Variants in RAD51B observed in about 807,000 individuals in gnomAD.
RAD51B encodes the protein RAD51 paralog B, also known as DNA repair protein RAD51 homolog 2.
In RAD51B, 38 loss-of-function variants were observed where a neutral mutation model predicts 42.2. That is an observed-to-expected ratio of 0.90 (90% CI 0.70 to 1.18). The LOEUF is 1.18. RAD51B is among the 50% of genes most tolerant of loss of function. The pLI is 0.00. For synonymous variants in RAD51B, 154 were observed against 145.2 expected (o/e 1.06, Z -0.43); for missense variants, 373 against 400.7 (o/e 0.93, Z 0.59).
At chr14:68,666,520 T>TG (rs1893035333) in intron 11 of RAD51B, among the ~76,000 whole-genome samples, 1 of 152,216 alleles carries the variant, frequency 6.6e-6, no homozygotes, top group Non-Finnish European at 1.5e-5. Context: ...AGAGCAGTAC[T>TG]GGGAGGTCCT....
chr14:68,431,333 C>T (rs1467332520), intron 9 of RAD51B, among the ~76,000 whole-genome samples: 1 of 152,174 alleles, frequency 6.6e-6, no homozygotes, highest in Non-Finnish European at 1.5e-5. Flanking sequence ...ATGGTACCAG[C>T]TCCTTCTTGT....
chr14:67,980,840 A>G (rs1163859458), intron 7 of RAD51B, among the ~76,000 whole-genome samples: 1 of 152,230 alleles, frequency 6.6e-6, no homozygotes, highest in Non-Finnish European at 1.5e-5. Flanking sequence ...GATTTCTTCT[A>G]TATGCCTCCG....
intron 11 of RAD51B, among the ~76,000 whole-genome samples, chr14:68,658,456 G>A (rs1459052858): frequency 1.3e-5 from 2 of 152,252 alleles, no homozygotes; most frequent in African/African-American, 2.4e-5. Context: ...AAGTGCCAGG[G>A]CAGCCAAGAG....
chr14:68,117,003 CAAT>C (rs1473379338), intron 7 of RAD51B, among the ~76,000 whole-genome samples: 1 of 152,148 alleles, frequency 6.6e-6, no homozygotes, highest in Non-Finnish European at 1.5e-5. Flanking sequence ...TGGAAGGTAA[CAAT>C]GTTATTACAT....
chr14:67,949,268 C>T (rs2074397037), intron 7 of RAD51B, among the ~76,000 whole-genome samples: 1 of 152,198 alleles, frequency 6.6e-6, no homozygotes, highest in East Asian at 1.9e-4. Context: ...ATATTGGGAT[C>T]AGTCCTCTGA....
intron 4 of RAD51B, among the ~76,000 whole-genome samples, chr14:67,859,891 G>A (rs2042110316): frequency 6.6e-6 from 1 of 152,048 alleles, no homozygotes; most frequent in Admixed American, 6.5e-5. Flanking sequence ...CGCGATCTCG[G>A]CTCACTGCAA....
At chr14:68,366,502 G>A (rs190477931) in intron 8 of RAD51B, among the ~76,000 whole-genome samples, 94 of 152,318 alleles carry the variant, frequency 6.2e-4, no homozygotes, top group Non-Finnish European at 1.1e-3. Flanking sequence ...TTGACTTAAG[G>A]AAGTACAGAC....
chr14:68,217,366 T>C (rs2079837429), intron 7 of RAD51B, among the ~76,000 whole-genome samples: 2 of 152,254 alleles, frequency 1.3e-5, no homozygotes, highest in African/African-American at 4.8e-5. Context: ...TAAAGGCATA[T>C]CTTTCTGGCC....
At chr14:68,640,328 C>T (rs1228567570) in intron 10 of RAD51B, among the ~76,000 whole-genome samples, 2 of 152,188 alleles carry the variant, frequency 1.3e-5, no homozygotes, top group African/African-American at 2.4e-5. Context: ...CTACGGCAAA[C>T]ACCTTAATCT....
chr14:68,612,401 A>C (rs547622564), downstream of RAD51B, among the ~76,000 whole-genome samples: 36 of 152,390 alleles, frequency 2.4e-4, no homozygotes, highest in Non-Finnish European at 4.6e-4. Flanking sequence ...TTTGCACTCC[A>C]GAATCTGCTA....
At chr14:68,387,297 T>C (rs976606023) in intron 8 of RAD51B, 4 of 152,212 alleles carry the variant, frequency 2.6e-5, no homozygotes, top group Admixed American at 1.3e-4. Context: ...AAACTCCTGT[T>C]TGATTCAGAA....
chr14:68,316,635 C>T (rs1171117772), intron 8 of RAD51B, among the ~76,000 whole-genome samples: 3 of 152,142 alleles, frequency 2.0e-5, no homozygotes, highest in South Asian at 2.1e-4. Context: ...AGAACAACAG[C>T]GCCTTTGTGA....
At chr14:67,921,715 C>G (rs568062847) in intron 7 of RAD51B, among the ~76,000 whole-genome samples, 6 of 151,808 alleles carry the variant, frequency 4.0e-5, no homozygotes, top group African/African-American at 1.5e-4. Flanking sequence ...ACATTGATGA[C>G]TGAAAAAACA....
intron 10 of RAD51B, among the ~76,000 whole-genome samples, chr14:68,642,270 T>C (rs1892478233): frequency 6.6e-6 from 1 of 152,222 alleles, no homozygotes; most frequent in South Asian, 2.1e-4. Context: ...AATTATTGAT[T>C]CAATTTCTTT....
chr14:68,357,854 C>A (rs956975442), intron 8 of RAD51B, among the ~76,000 whole-genome samples: 3 of 152,188 alleles, frequency 2.0e-5, no homozygotes, highest in African/African-American at 7.2e-5. Flanking sequence ...GCACAGACAG[C>A]CATTTTCAAC....
chr14:68,092,046 C>G (rs138868616), intron 7 of RAD51B, among the ~76,000 whole-genome samples: 198 of 151,586 alleles, frequency 1.3e-3, no homozygotes, highest in African/African-American at 4.6e-3. Context: ...CTGTTCTGTT[C>G]CATCGGTCTA....
Position 67,865,054 on chromosome 14 carries a change from A to T in RAD51B, c.367A>T (p.Ile123Phe), listed in dbSNP as rs531102072. The T allele has an allele frequency of 1.4e-6, 2 of 1,466,210 alleles. No homozygotes were observed. The highest frequency in any genetic ancestry group is 2.8e-5 in the East Asian group (1 of 35,352). The allele number at this position is 1,466,210 out of a possible 1,614,324, so 90.8% of individuals were successfully genotyped here. ...AACTCAGTTTTGTATAATGATGAGC[A>T]TTTTGGCTACATTACCCACCAACAT... ...GKTQFCIMMS[I>F]LATLPTNMGG... Residue 123 changes from isoleucine to phenylalanine, a missense_variant, in exon 5 of 11, where the codon ATT (isoleucine) becomes TTT (phenylalanine). Coordinates refer to ENST00000471583, the MANE Select transcript of RAD51B (RefSeq NM_133510.4).
chr14:68,573,211 C>T (rs1224525501), intron 10 of RAD51B, among the ~76,000 whole-genome samples: 1 of 152,178 alleles, frequency 6.6e-6, no homozygotes, highest in Non-Finnish European at 1.5e-5. Flanking sequence ...GCTCTCACCT[C>T]ACTCATAAAA....
chr14:68,553,078 C>T (rs1048404921), intron 10 of RAD51B, among the ~76,000 whole-genome samples: 6 of 152,250 alleles, frequency 3.9e-5, no homozygotes, highest in Non-Finnish European at 8.8e-5. Context: ...CTTCCTCTAT[C>T]GCACATATTT....
Sources: allele counts gnomAD v4.1 joint callset (sites outside exome capture counted in the v4.1 genomes callset), GRCh38; gene constraint gnomAD v4.1.1; transcripts MANE v1.5; gene names NCBI Gene and HGNC (gene_info 2026-07-23, HGNC 2026-07-21).